The following SIPA1L3 variants were observed in gnomAD, a reference collection of about 807,000 sequenced individuals.
SIPA1L3 encodes signal-induced proliferation-associated 1-like protein 3.
SIPA1L3 carries 59 observed loss-of-function variants against 150.1 expected under a neutral mutation model. The observed-to-expected ratio is 0.39, with a 90% confidence interval of 0.32 to 0.49. The LOEUF is 0.49. SIPA1L3 is among the 20% of genes least tolerant of loss of function. The pLI is 0.86. For synonymous variants in SIPA1L3, 1,070 were observed against 1,077.6 expected (o/e 0.99, Z 0.14); for missense variants, 2,211 against 2,489.5 (o/e 0.89, Z 2.38).
chr19:37,963,510 C>G (rs963528858), intron 1 of SIPA1L3, among the ~76,000 whole-genome samples: 5 of 152,240 alleles, frequency 3.3e-5, no homozygotes, highest in Admixed American at 6.5e-5. Flanking sequence ...CCAGTCCAGC[C>G]ACAAAGTTTT....
chr19:38,041,273 A>T (rs1480084237), intron 2 of SIPA1L3, among the ~76,000 whole-genome samples: 3 of 72,496 alleles, frequency 4.1e-5, no homozygotes, highest in African/African-American at 1.2e-4. Flanking sequence ...CGCTCAGCTA[A>T]TTTTTTTTTT....
intron 13 of SIPA1L3, among the ~76,000 whole-genome samples, chr19:38,154,982 A>G (rs1971911800): frequency 6.6e-6 from 1 of 151,924 alleles, no homozygotes; most frequent in South Asian, 2.1e-4. Context: ...GCTGGTCTTG[A>G]ACTCCTGACC....
intron 2 of SIPA1L3, among the ~76,000 whole-genome samples, chr19:38,033,988 G>A (rs957755719): frequency 4.6e-5 from 7 of 152,112 alleles, no homozygotes; most frequent in African/African-American, 1.4e-4. Flanking sequence ...CTTATTTCTC[G>A]CTCACAACAG....
At chr19:37,927,520 TCG>T (rs1840579708) in intron 1 of SIPA1L3, among the ~76,000 whole-genome samples, 1 of 125,346 alleles carries the variant, frequency 8.0e-6, no homozygotes, top group Non-Finnish European at 1.7e-5. Flanking sequence ...TGTCTGTTGT[TCG>T]TGTGTGTGTG....
intron 2 of SIPA1L3, among the ~76,000 whole-genome samples, chr19:38,032,721 G>A (rs1968680128): frequency 6.6e-6 from 1 of 152,102 alleles, no homozygotes; most frequent in African/African-American, 2.4e-5. Context: ...AACCGTGGTG[G>A]CACACACCTG....
chr19:38,002,037 CA>C (rs964729068), intron 1 of SIPA1L3, among the ~76,000 whole-genome samples: 11 of 152,148 alleles, frequency 7.2e-5, no homozygotes, highest in African/African-American at 2.7e-4. Flanking sequence ...TTATTATGCC[CA>C]GTTACATTAC....
chr19:38,141,201 A>G lies in SIPA1L3; in HGVS notation c.3161A>G (p.Tyr1054Cys). Residue 1054 changes from tyrosine to cysteine, a missense_variant, in exon 11 of 22, where the codon TAC (tyrosine) becomes TGC (cysteine). This residue lies in a region of SIPA1L3 where 625 missense variants were observed against 804.2 expected (regional missense o/e 0.78). Transcript: ENST00000222345. Reference protein sequence around the residue: ...GTPRRGWPETYDMNTSEPKTE... With the variant: ...GTPRRGWPETCDMNTSEPKTE... ...CTCCCCAGGGGTTGGCCGGAGACCTACGACATGAATACCTCGGAGCCCAAG... is the reference window on the plus strand; with the variant it reads ...CTCCCCAGGGGTTGGCCGGAGACCTGCGACATGAATACCTCGGAGCCCAAG... 1 of 1,602,610 alleles carries G rather than the reference A, an allele frequency of 6.2e-7. No individual in the cohort carries two copies. Among genetic ancestry groups the G allele is most frequent in the Non-Finnish European group, 8.5e-7 (1 of 1,173,350 alleles).
chr19:37,995,756 T>C (rs906251107), intron 1 of SIPA1L3, among the ~76,000 whole-genome samples: 6 of 152,170 alleles, frequency 3.9e-5, no homozygotes, highest in Non-Finnish European at 7.4e-5. Context: ...ATTTGTCTTA[T>C]GTCACTGGGA....
chr19:38,080,742 C>T (rs894414098), intron 2 of SIPA1L3, among the ~76,000 whole-genome samples: 3 of 151,422 alleles, frequency 2.0e-5, no homozygotes, highest in Admixed American at 6.6e-5. Flanking sequence ...CTGAGGCGGG[C>T]GGGGATTGCC....
intron 1 of SIPA1L3, among the ~76,000 whole-genome samples, chr19:37,946,518 G>A (rs1269011093): frequency 2.0e-5 from 3 of 152,290 alleles, no homozygotes; most frequent in Non-Finnish European, 4.4e-5. Flanking sequence ...TTCTGGTGAA[G>A]TTTATTGTAT....
chr19:37,968,164 C>T (rs2046922410), intron 1 of SIPA1L3, among the ~76,000 whole-genome samples: 1 of 151,740 alleles, frequency 6.6e-6, no homozygotes, highest in Non-Finnish European at 1.5e-5. Context: ...CCTCTGCCTC[C>T]CGGGTTCAAG....
intron 2 of SIPA1L3, among the ~76,000 whole-genome samples, chr19:38,067,111 C>A (rs1032454852): frequency 1.3e-5 from 2 of 151,880 alleles, no homozygotes; most frequent in Non-Finnish European, 2.9e-5. Context: ...TGCTGGCACA[C>A]CCCTATAGTC....
At chr19:38,011,382 G>T (rs561077103) in intron 1 of SIPA1L3, among the ~76,000 whole-genome samples, 1 of 152,228 alleles carries the variant, frequency 6.6e-6, no homozygotes, top group South Asian at 2.1e-4. Context: ...AGGCTAAGGT[G>T]GGGGAATCAC....
intron 15 of SIPA1L3, among the ~76,000 whole-genome samples, chr19:38,177,947 AC>A (rs1407331650): frequency 6.6e-6 from 1 of 151,460 alleles, no homozygotes; most frequent in African/African-American, 2.4e-5. Context: ...AATCGCTTGA[AC>A]CCCGGAGGCG....
intron 8 of SIPA1L3, among the ~76,000 whole-genome samples, chr19:38,114,261 A>G (rs1037126031): frequency 1.4e-4 from 22 of 151,906 alleles, no homozygotes; most frequent in Admixed American, 1.3e-4. Context: ...TCTCTACTAA[A>G]AAATATATAA....
chr19:37,940,240 C>T (rs558462819), intron 1 of SIPA1L3, among the ~76,000 whole-genome samples: 4 of 151,262 alleles, frequency 2.6e-5, no homozygotes, highest in East Asian at 3.9e-4. Context: ...GAGATTGCAC[C>T]GCTGCGTTCC....
intron 1 of SIPA1L3, among the ~76,000 whole-genome samples, chr19:37,958,884 G>A (rs1434710503): frequency 6.6e-6 from 1 of 152,202 alleles, no homozygotes; most frequent in East Asian, 1.9e-4. Context: ...GGATTTGAAT[G>A]GCTCTTTCTC....
chr19:37,959,261 GA>G (rs1277485040), intron 1 of SIPA1L3, among the ~76,000 whole-genome samples: 1 of 152,182 alleles, frequency 6.6e-6, no homozygotes, highest in Non-Finnish European at 1.5e-5. Context: ...CCCCAGAAGT[GA>G]AAATGACCCG....
chr19:38,088,937 C>A, intron 4 of SIPA1L3, 86 bp downstream of exon 4: 1 of 1,464,010 alleles, frequency 6.8e-7, no homozygotes, highest in Admixed American at 1.8e-5. Flanking sequence ...GCTTCCCCAG[C>A]TTCATCTCAT....
Sources: gnomAD v4.1 joint callset for allele counts (sites outside exome capture counted in the v4.1 genomes callset) on GRCh38, gnomAD v4.1.1 for gene constraint, gnomAD v4.1.1 regional missense constraint, MANE v1.5 for transcripts, NCBI Gene and HGNC (gene_info 2026-07-23, HGNC 2026-07-21) for gene names.